The following VAV2 variants were observed in gnomAD, a reference collection of about 807,000 sequenced individuals.
The protein encoded by VAV2 is guanine nucleotide exchange factor VAV2.
A neutral mutation model predicts 132.5 loss-of-function variants in VAV2; 67 were observed. The observed-to-expected ratio is 0.51, with a 90% CI of 0.42 to 0.62. VAV2 has a LOEUF of 0.62. Ranked by LOEUF, VAV2 falls within the 20% of genes least tolerant of loss-of-function variation. The probability of loss-of-function intolerance (pLI) is 0.00; values close to 1 mark genes in which losing one functional copy is unlikely to be tolerated. For missense variants in VAV2, 938 were observed against 1,153.6 expected, an observed-to-expected ratio of 0.81 and a Z score of 2.71; for synonymous variants, 492 against 443.5, an observed-to-expected ratio of 1.11 and a Z score of -1.37.
Position 133,763,936 on chromosome 9 carries a change from C to T in VAV2, c.*126G>A. 2 of 1,163,188 alleles carry T rather than the reference C, an allele frequency of 1.7e-6. No homozygotes were observed. Among genetic ancestry groups the T allele is most frequent in the Non-Finnish European group, 2.5e-6 (2 of 786,154 alleles). 72.1% of individuals were successfully genotyped at this position (1,163,188 alleles called of 1,614,324 possible). A position where few individuals can be genotyped will look rare whatever the true frequency, so the allele number is the denominator to read the frequency against. Reference sequence around the variant, plus strand: ...TAGGATTCTCAACACCCTCCCTATCCCTGTGGGCAGTGGAAGACTGGGAGG... The same window carrying T: ...TAGGATTCTCAACACCCTCCCTATCTCTGTGGGCAGTGGAAGACTGGGAGG... On this transcript the variant is annotated 3_prime_UTR_variant, in exon 30 of 30. Transcript: ENST00000371850. The surrounding 1 kb of genome is among the most constrained non-coding windows in gnomAD (Gnocchi z 6.8).
chr9:133,957,301 C>A (rs1841814894), intron 1 of VAV2, among the ~76,000 whole-genome samples: 1 of 152,124 alleles, frequency 6.6e-6, no homozygotes, highest in Non-Finnish European at 1.5e-5. Context: ...ATAGAAATAA[C>A]CCTGCCTGGA....
chr9:133,944,379 G>T (rs1332454277), intron 1 of VAV2, among the ~76,000 whole-genome samples: 5 of 152,248 alleles, frequency 3.3e-5, no homozygotes, highest in African/African-American at 1.2e-4. Context: ...TAAGCCGGGG[G>T]AGGCAAATCC....
At chr9:133,830,538 C>T (rs956766336) in intron 4 of VAV2, among the ~76,000 whole-genome samples, 4 of 152,198 alleles carry the variant, frequency 2.6e-5, no homozygotes, top group African/African-American at 7.2e-5. Context: ...TGAAGAAAAG[C>T]GTGTTTGCTT....
rs534399679 is a variant in VAV2 at position 133,801,225 on chromosome 9, CAGG to C, written c.837-3419_837-3417del. ...GGGAATGGCAGGCACTTGAAGCAAA[CAGG>C]AGAACTCTGGGGAAAGACAGACCTC... On this transcript the variant is annotated intron_variant, in intron 9 of 29. Coordinates refer to ENST00000371850, the MANE Select transcript of VAV2 (RefSeq NM_001134398.2). 8.5e-5 allele frequency among the ~76,000 whole-genome samples: 13 copies of C among 152,346 alleles called. No individual in the cohort carries two copies. The East Asian group carries it at 2.5e-3, about 29-fold the overall frequency.
At chr9:133,801,117 C>G (rs1440932385) in intron 9 of VAV2, among the ~76,000 whole-genome samples, 1 of 152,210 alleles carries the variant, frequency 6.6e-6, no homozygotes, top group South Asian at 2.1e-4. Flanking sequence ...CACTCACACA[C>G]GGCTGTGAGT....
At chr9:133,818,026 C>CATT (rs1564375452) in intron 4 of VAV2, among the ~76,000 whole-genome samples, 1 of 151,918 alleles carries the variant, frequency 6.6e-6, no homozygotes, top group African/African-American at 2.4e-5. Context: ...CTCACCAGTG[C>CATT]GGACAGGTGT....
intron 1 of VAV2, among the ~76,000 whole-genome samples, chr9:133,959,777 A>G (rs1292921033): frequency 6.6e-6 from 1 of 152,186 alleles, no homozygotes; most frequent in Non-Finnish European, 1.5e-5. Flanking sequence ...GGAGAGAGGC[A>G]CAGGGATGAG....
intron 12 of VAV2, 148 bp downstream of exon 12, chr9:133,795,520 C>G: frequency 1.1e-6 from 1 of 938,650 alleles, no homozygotes. Context: ...GTCTCACCCA[C>G]TGCCCTGCCC....
intron 1 of VAV2, among the ~76,000 whole-genome samples, chr9:133,957,549 G>A (rs563745241): frequency 2.6e-5 from 4 of 152,308 alleles, no homozygotes; most frequent in African/African-American, 9.6e-5. Context: ...TGCAGGGCAG[G>A]GCGAGGAGGG....
chr9:133,907,252 C>A (rs1418550721), intron 2 of VAV2, among the ~76,000 whole-genome samples: 1 of 152,212 alleles, frequency 6.6e-6, no homozygotes, highest in South Asian at 2.1e-4. Context: ...TCGAACCCAG[C>A]AAGCCCTGCC....
At chr9:133,979,401 C>T (rs763321718) in intron 1 of VAV2, among the ~76,000 whole-genome samples, 2 of 152,168 alleles carry the variant, frequency 1.3e-5, no homozygotes, top group Non-Finnish European at 2.9e-5. Context: ...GTCGGCCGCT[C>T]AGTGCCCAAC....
chr9:133,908,991 G>C (rs535712396), intron 2 of VAV2, among the ~76,000 whole-genome samples: 1 of 152,236 alleles, frequency 6.6e-6, no homozygotes, highest in Non-Finnish European at 1.5e-5. Context: ...GGACCCACGA[G>C]GAATGATTGG....
At chr9:133,923,294 T>A (rs1209141359) in intron 2 of VAV2, among the ~76,000 whole-genome samples, 1 of 152,106 alleles carries the variant, frequency 6.6e-6, no homozygotes, top group Admixed American at 6.5e-5. Context: ...CTCAAAAAAT[T>A]AGACATAGAA....
At position 133,802,531 on chromosome 9, in the gene VAV2, C is replaced by T. The variant is rs780948088; in HGVS notation, c.836+3550G>A. On this transcript the variant is annotated intron_variant, in intron 9 of 29. Coordinates refer to ENST00000371850, the MANE Select transcript of VAV2 (RefSeq NM_001134398.2). The surrounding 1 kb of genome is among the most constrained non-coding windows in gnomAD (Gnocchi z 5.8). Reference sequence around the variant, plus strand: ...TGTGGTCACCTTGCAAGGCACGGCCCGCCGTGTCCAGCATCCTGCCCGACC... The same window carrying T: ...TGTGGTCACCTTGCAAGGCACGGCCTGCCGTGTCCAGCATCCTGCCCGACC... Among the ~76,000 whole-genome samples the T allele has an allele frequency of 6.6e-6, 1 of 152,150 alleles. No individual in the cohort carries two copies. Among genetic ancestry groups the T allele is most frequent in the African/African-American group, 2.4e-5 (1 of 41,428 alleles).
chr9:133,987,253 T>A (rs534276610), intron 1 of VAV2, among the ~76,000 whole-genome samples: 57 of 152,172 alleles, frequency 3.7e-4, no homozygotes, highest in African/African-American at 1.2e-3. Context: ...AGCAAGGGTA[T>A]CGTGTGATGA....
At chr9:133,853,953 T>A (rs768898621) in intron 3 of VAV2, among the ~76,000 whole-genome samples, 3 of 152,076 alleles carry the variant, frequency 2.0e-5, no homozygotes, top group Non-Finnish European at 4.4e-5. Context: ...ATGAGCAAGA[T>A]CCAGGCCTGC....
At chr9:133,854,162 C>T (rs1177168015) in intron 3 of VAV2, among the ~76,000 whole-genome samples, 1 of 150,512 alleles carries the variant, frequency 6.6e-6, no homozygotes, top group East Asian at 1.9e-4. Flanking sequence ...CACACATCTG[C>T]ATATGCACAC....
chr9:133,982,284 GT>G (rs1250666069), intron 1 of VAV2, among the ~76,000 whole-genome samples: 1 of 152,218 alleles, frequency 6.6e-6, no homozygotes, highest in Non-Finnish European at 1.5e-5. Flanking sequence ...CGGCAGGAGG[GT>G]GCCTCCAGGG....
At chr9:133,867,608 T>C (rs1485732264) in intron 2 of VAV2, among the ~76,000 whole-genome samples, 1 of 152,188 alleles carries the variant, frequency 6.6e-6, no homozygotes, top group Non-Finnish European at 1.5e-5. Flanking sequence ...CAGACCCCAA[T>C]GCACCAGGTG....
Sources: allele counts gnomAD v4.1 joint callset (sites outside exome capture counted in the v4.1 genomes callset), GRCh38; gene constraint gnomAD v4.1.1; non-coding constraint Gnocchi (gnomAD v3.1); transcripts MANE v1.5; gene names NCBI Gene and HGNC (gene_info 2026-07-23, HGNC 2026-07-21).